The following DSG4 variants were observed in gnomAD, a reference collection of about 807,000 sequenced individuals.
DSG4 encodes desmoglein 4.
In DSG4, 87 loss-of-function variants were observed where a neutral mutation model predicts 93.1. That is an observed-to-expected ratio of 0.93 (90% CI 0.79 to 1.12). The LOEUF is 1.12. Among genes scored for constraint, DSG4 ranks in the 50% most tolerant of loss-of-function variants. The pLI is 0.00. For missense variants in DSG4, 1,373 were observed against 1,285.7 expected, an observed-to-expected ratio of 1.07 and a Z score of -1.04; for synonymous variants, 432 against 452.9, an observed-to-expected ratio of 0.95 and a Z score of 0.59.
rs747935723 is a variant in DSG4 at position 31,411,299 on chromosome 18, A to G, written c.2206A>G (p.Thr736Ala). The change falls in exon 15 of 16, where the codon ACA (threonine) becomes GCA (alanine). Residue 736 changes from threonine to alanine, a missense_variant. Thr to Ala is a moderately conservative substitution (Grantham distance 58). Coordinates refer to ENST00000308128, the MANE Select transcript of DSG4 (RefSeq NM_177986.5). ...AGGTGTATCGGGAGTGGAGCTCAAC[A>G]CAGGTATGGGGACAGCCGTTGGCCT... The part of the protein sequence containing the change: ...EGGVSGVELN[T>A]GMGTAVGLMA... 5.0e-6 allele frequency: 8 copies of G among 1,612,634 alleles called. 1 individual carries two copies. In the South Asian group the frequency reaches 7.7e-5, roughly 15 times the overall value.
At chr18:31,408,369 A>G (rs2072450200) in intron 12 of DSG4, among the ~76,000 whole-genome samples, 1 of 152,252 alleles carries the variant, frequency 6.6e-6, no homozygotes, top group South Asian at 2.1e-4. Context: ...TAGAATAGGC[A>G]GAACCATGGC....
At chr18:31,410,653 A>G (rs2072477130) in intron 14 of DSG4, among the ~76,000 whole-genome samples, 1 of 152,288 alleles carries the variant, frequency 6.6e-6, no homozygotes, top group South Asian at 2.1e-4. Context: ...ACGCATATCT[A>G]ACAATACTGA....
intron 13 of DSG4, 60 bp downstream of exon 13, chr18:31,409,651 TAAC>T: frequency 6.2e-7 from 1 of 1,614,160 alleles, no homozygotes; most frequent in Non-Finnish European, 8.5e-7. Context: ...GAGCATGTCT[TAAC>T]AATTACATGC....
chr18:31,402,203 T>C (rs2072375572), intron 10 of DSG4, among the ~76,000 whole-genome samples: 2 of 152,208 alleles, frequency 1.3e-5, no homozygotes, highest in Non-Finnish European at 2.9e-5. Context: ...AAGCAGAGTG[T>C]CTGCACTGGC....
intron 8 of DSG4, among the ~76,000 whole-genome samples, chr18:31,397,398 G>T (rs2072317353): frequency 6.6e-6 from 1 of 152,136 alleles, no homozygotes; most frequent in Non-Finnish European, 1.5e-5. Context: ...TTTATGAAGA[G>T]ACTCCAGAGT....
chr18:31,390,587 T>C (rs1443770846), intron 5 of DSG4, 69 bp from the exon 6 acceptor site: 12 of 1,587,690 alleles, frequency 7.6e-6, no homozygotes, highest in African/African-American at 2.7e-5. Flanking sequence ...TCTGTCTTCT[T>C]ATGCCTAATG....
intron 12 of DSG4, among the ~76,000 whole-genome samples, chr18:31,408,519 C>A (rs1467917627): frequency 2.0e-5 from 3 of 152,166 alleles, no homozygotes; most frequent in South Asian, 4.1e-4. Flanking sequence ...GATTTTGCAA[C>A]TTTGATAGTC....
intron 6 of DSG4, 43 bp from the exon 7 acceptor site, chr18:31,391,035 A>G (rs1299394059): frequency 6.2e-7 from 1 of 1,611,866 alleles, no homozygotes; most frequent in South Asian, 1.1e-5. Context: ...GATTCTATTC[A>G]AGACAAAACC....
At position 31,399,515 on chromosome 18, in the gene DSG4, G is replaced by A; in HGVS notation, c.1249G>A (p.Asp417Asn). The change falls in exon 9 of 16, where the codon GAC becomes AAC. Residue 417 changes from aspartate to asparagine, a missense_variant. Coordinates refer to ENST00000308128, the MANE Select transcript of DSG4 (RefSeq NM_177986.5). ...VLGTYTAIDL[D>N]TGNPATDVRY... The stretch of plus-strand genomic sequence containing the variant: ...TGGCACATATACAGCCATAGATTTG[G>A]ACACAGGAAACCCTGCAACAGATGT... 1 of 1,613,988 alleles carries A rather than the reference G, an allele frequency of 6.2e-7. No individual in the cohort carries two copies. Among genetic ancestry groups the A allele is most frequent in the Admixed American group, 1.7e-5 (1 of 60,020 alleles).
In DSG4 at chr18:31,409,488, A is replaced by T. The variant is rs771424017; in HGVS notation, c.1970A>T (p.Gln657Leu). The T allele has an allele frequency of 3.7e-6, 6 of 1,614,066 alleles. No homozygotes were observed. In the African/African-American group the frequency reaches 8.0e-5, roughly 22 times the overall value. The change falls in exon 13 of 16, where the codon CAG becomes CTG. Residue 657 changes from glutamine (Q) to leucine (L), a missense_variant. Transcript: ENST00000308128. Reference sequence around the variant, plus strand: ...TTGCTGCTCCTGTGTTGCTGCAAACAGAGACAGCCAGAAGGCCTGGGAACA... The same window carrying T: ...TTGCTGCTCCTGTGTTGCTGCAAACTGAGACAGCCAGAAGGCCTGGGAACA... ...PLLLLLCCCK[Q>L]RQPEGLGTRF...
At chr18:31,381,314 A>G (rs773412660) in intron 1 of DSG4, among the ~76,000 whole-genome samples, 4 of 152,148 alleles carry the variant, frequency 2.6e-5, no homozygotes, top group Non-Finnish European at 4.4e-5. Flanking sequence ...GACACTAACA[A>G]AACATTTCAC....
At position 31,398,307 on chromosome 18, in the gene DSG4, C is replaced by T. The variant is rs886268089; in HGVS notation, c.1006-965C>T. 5.9e-5 allele frequency among the ~76,000 whole-genome samples: 9 copies of T among 152,194 alleles called. No homozygotes were observed. In the East Asian group the frequency reaches 7.8e-4, roughly 13 times the overall value. On this transcript the variant is annotated intron_variant, in intron 8 of 15. Transcript: ENST00000308128. ...AAGGGTTTTGGCTGAAATTCAAGCA[C>T]GGCATGCTGAGCCATCTCCAAAGAA...
chr18:31,406,114 T>C lies in DSG4; in HGVS notation c.1674T>C (p.Ser558=). Residue 558 remains serine (S), a synonymous_variant, in exon 12 of 16, where the codon TCT becomes TCC. Coordinates refer to ENST00000308128, the MANE Select transcript of DSG4 (RefSeq NM_177986.5). ...TCCTTACGGCTAAGCAGGTTTTATC[T>C]CCAGGATTTTATGAAATCCCAATCC... The part of the protein sequence containing the change: ...SAILTAKQVL[S]PGFYEIPILV... 6.2e-7 allele frequency: 1 copy of C among 1,614,080 alleles called. No individual in the cohort carries two copies. The highest frequency in any genetic ancestry group is 8.5e-7 in the Non-Finnish European group (1 of 1,180,022).
Position 31,413,732 on chromosome 18 carries a change from AT to A in DSG4, c.*139del. On this transcript the variant is annotated 3_prime_UTR_variant, in exon 16 of 16. Transcript: ENST00000308128. ...ATTCTAAGGTCAATGCCATTATTTG[AT>A]TATACCATTTTGAGGGTGAATATGG... 8.3e-7 allele frequency: 1 copy of A among 1,210,352 alleles called. No individual in the cohort carries two copies. The highest frequency in any genetic ancestry group is 1.2e-6 in the Non-Finnish European group (1 of 861,354). 75.0% of individuals were successfully genotyped at this position (1,210,352 alleles called of 1,614,324 possible).
At chr18:31,409,416 T>A in intron 12 of DSG4, 36 bp from the exon 13 acceptor site, 1 of 1,613,660 alleles carries the variant, frequency 6.2e-7, no homozygotes. Context: ...AACCGAGCAA[T>A]GTGTGTTAAC....
chr18:31,380,063 AT>A (rs1370614412), intron 1 of DSG4, among the ~76,000 whole-genome samples: 3 of 152,110 alleles, frequency 2.0e-5, no homozygotes, highest in Non-Finnish European at 4.4e-5. Flanking sequence ...ATAAGTTTAT[AT>A]TTTTTGCCTT....
chr18:31,400,597 T>A (rs895671195), intron 9 of DSG4, among the ~76,000 whole-genome samples: 2 of 152,150 alleles, frequency 1.3e-5, no homozygotes, highest in Non-Finnish European at 2.9e-5. Flanking sequence ...TACATTGCTA[T>A]GATTTAATAA....
In DSG4 at chr18:31,406,102, G is replaced by A. The variant is rs1454009719; in HGVS notation, c.1662G>A (p.Lys554=). ...CTACCTCGGCAATCCTTACGGCTAA[G>A]CAGGTTTTATCTCCAGGATTTTATG... ...TNATSAILTA[K]QVLSPGFYEI... Residue 554 remains lysine, a synonymous_variant, in exon 12 of 16, where the codon AAG becomes AAA. Coordinates refer to ENST00000308128, the MANE Select transcript of DSG4 (RefSeq NM_177986.5). 1 of 1,614,048 alleles carries A rather than the reference G, an allele frequency of 6.2e-7. No homozygotes were observed. Among genetic ancestry groups the A allele is most frequent in the Non-Finnish European group, 8.5e-7 (1 of 1,180,010 alleles).
intron 1 of DSG4, 113 bp from the exon 2 acceptor site, chr18:31,385,023 C>A: frequency 1.0e-6 from 1 of 964,342 alleles, no homozygotes; most frequent in Non-Finnish European, 1.6e-6. Flanking sequence ...ACATCATCAA[C>A]AAAATGTATA....
Sources: allele counts gnomAD v4.1 joint callset (sites outside exome capture counted in the v4.1 genomes callset), GRCh38; gene constraint gnomAD v4.1.1; transcripts MANE v1.5; gene names NCBI Gene and HGNC (gene_info 2026-07-23, HGNC 2026-07-21).